Variants in LRRC71 observed in about 807,000 individuals in gnomAD.
LRRC71 encodes leucine-rich repeat-containing protein 71.
Under a neutral mutation model 66.6 loss-of-function variants are expected in LRRC71, and 54 were observed. The ratio of observed to expected loss-of-function variants is 0.81; its 90% confidence interval spans 0.65 to 1.02. The LOEUF (loss-of-function observed/expected upper bound fraction) is 1.02. Among genes scored for constraint, LRRC71 ranks in the 50% least tolerant of loss-of-function variants. The pLI is 0.00. For missense variants in LRRC71, 724 were observed against 718.0 expected, an observed-to-expected ratio of 1.01 and a Z score of -0.10; for synonymous variants, 323 against 303.9, an observed-to-expected ratio of 1.06 and a Z score of -0.65.
In LRRC71 at chr1:156,931,405, CCT is replaced by C. The variant is rs377560501; in HGVS notation, c.1330-508_1330-507del. On this transcript the variant is annotated intron_variant, in intron 12 of 14. Coordinates refer to ENST00000337428, the MANE Select transcript of LRRC71 (RefSeq NM_144702.3). ...TTTCAGTTTCCATTTTTCATCTCTG[CCT>C]CTGTCTTGATCAGGCTGCTGATTGT... Among the ~76,000 whole-genome samples the C allele has an allele frequency of 4.2e-4, 64 of 152,284 alleles. No individual in the cohort carries two copies. The South Asian group carries it at 0.013, about 30-fold the overall frequency.
At chr1:156,924,234 G>A in intron 2 of LRRC71, 136 bp downstream of exon 2, 2 of 1,216,662 alleles carry the variant, frequency 1.6e-6, no homozygotes, top group South Asian at 3.0e-5. Flanking sequence ...CGAGGCCGGT[G>A]GGGAGGTGGG....
chr1:156,924,831 G>T (rs1571035228), intron 4 of LRRC71, 107 bp from the exon 5 acceptor site: 1 of 1,502,580 alleles, frequency 6.7e-7, no homozygotes, highest in South Asian at 1.2e-5. Flanking sequence ...GGGGAGGTCG[G>T]GGGTGGGGGA....
intron 2 of LRRC71, 48 bp downstream of exon 2, chr1:156,924,146 A>G (rs1160766042): frequency 5.9e-6 from 9 of 1,535,924 alleles, no homozygotes; most frequent in Middle Eastern, 4.2e-4. Flanking sequence ...CGCCTAGTCC[A>G]TCCTCAGCCT....
the LRRC71 span, among the ~76,000 whole-genome samples, chr1:156,940,883 G>C: frequency 6.6e-6 from 1 of 152,180 alleles, no homozygotes; most frequent in African/African-American, 2.4e-5. Flanking sequence ...GGAAACCCGA[G>C]ATTTCTCCTG....
intron 13 of LRRC71, 60 bp from the exon 14 acceptor site, chr1:156,932,364 G>C (rs1026764427): frequency 9.6e-6 from 13 of 1,357,548 alleles, no homozygotes; most frequent in East Asian, 2.4e-5. Flanking sequence ...GATGTCTGGT[G>C]TGTCAGGTGC....
At chr1:156,930,434 G>T (rs1276276763) in intron 11 of LRRC71, 95 bp from the exon 12 acceptor site, 4 of 1,096,170 alleles carry the variant, frequency 3.6e-6, no homozygotes, top group East Asian at 5.3e-5. Context: ...AAAGTTGGGG[G>T]GTCTCTTTGC....
At chr1:156,926,246 G>GT (rs1190450663) in intron 5 of LRRC71, among the ~76,000 whole-genome samples, 1 of 152,216 alleles carries the variant, frequency 6.6e-6, no homozygotes, top group African/African-American at 2.4e-5. Context: ...CATAGCTGCT[G>GT]TGAGATGACC....
At chr1:156,935,854 TC>T, downstream of LRRC71, 7 of 886,830 alleles carry the variant, frequency 7.9e-6, no homozygotes, top group East Asian at 2.7e-5. Context: ...CATGCGGGTC[TC>T]CCCCCGGGCC....
chr1:156,939,402 C>T, the LRRC71 span: 6 of 1,083,912 alleles, frequency 5.5e-6, no homozygotes, highest in African/African-American at 1.6e-5. Flanking sequence ...CTGATATCGG[C>T]GTTGTCTCCT....
chr1:156,931,075 T>G (rs1654302674), intron 12 of LRRC71, among the ~76,000 whole-genome samples: 1 of 152,200 alleles, frequency 6.6e-6, no homozygotes, highest in Non-Finnish European at 1.5e-5. Flanking sequence ...ACCCTGTGCA[T>G]GGGTCCTTCT....
At chr1:156,925,973 T>G (rs1571040630) in intron 5 of LRRC71, among the ~76,000 whole-genome samples, 1 of 152,240 alleles carries the variant, frequency 6.6e-6, no homozygotes, top group East Asian at 1.9e-4. Context: ...ATAAACAAAT[T>G]TAAACTGAAT....
the LRRC71 span, chr1:156,940,223 G>T: frequency 6.3e-7 from 1 of 1,589,378 alleles, no homozygotes; most frequent in Non-Finnish European, 8.6e-7. Flanking sequence ...CCAGAGCGGA[G>T]TCAGCGAGCC....
the LRRC71 span, chr1:156,939,485 G>A: frequency 2.9e-5 from 47 of 1,597,742 alleles, no homozygotes; most frequent in South Asian, 3.5e-4. Context: ...GCAGCTGTTC[G>A]GAAGACTTAT....
chr1:156,931,845 G>A, intron 12 of LRRC71, 71 bp from the exon 13 acceptor site: 1 of 1,188,168 alleles, frequency 8.4e-7, no homozygotes, highest in Non-Finnish European at 1.2e-6. Flanking sequence ...TATGTTGAAT[G>A]AATGAATGAA....
chr1:156,938,541 G>C, the LRRC71 span: 1 of 1,605,868 alleles, frequency 6.2e-7, no homozygotes, highest in Non-Finnish European at 8.5e-7. Context: ...CCACCAGGAA[G>C]AGGAGAGACC....
Position 156,932,408 on chromosome 1 carries a change from C to G in LRRC71, c.1442-16C>G, listed in dbSNP as rs1654510998. On this transcript the variant is annotated splice_polypyrimidine_tract_variant and intron_variant, in intron 13 of 14. Coordinates refer to ENST00000337428, the MANE Select transcript of LRRC71 (RefSeq NM_144702.3). ...CCTGTGGTGCTAAGAGGCCACCTGT[C>G]TGTAACTTCCACCAGGGAACCGCAT... 6.2e-7 allele frequency: 1 copy of G among 1,608,628 alleles called. No individual in the cohort carries two copies. The highest frequency in any genetic ancestry group is 2.2e-5 in the East Asian group (1 of 44,814).
At chr1:156,938,318 G>C in the LRRC71 span, 1 of 1,087,420 alleles carries the variant, frequency 9.2e-7, no homozygotes, top group South Asian at 1.6e-5. Context: ...GAGGGAGCTT[G>C]TGGGTGTGTG....
the LRRC71 span, chr1:156,939,459 G>C: frequency 6.4e-7 from 1 of 1,567,066 alleles, no homozygotes; most frequent in Non-Finnish European, 8.7e-7. Context: ...TACCCAGGGG[G>C]AGTATAGGGA....
intron 1 of LRRC71, among the ~76,000 whole-genome samples, chr1:156,922,388 T>G (rs1230875942): frequency 3.3e-5 from 5 of 152,152 alleles, no homozygotes; most frequent in Admixed American, 6.5e-5. Context: ...GAGGTCATGG[T>G]GGCCTTAGCA....
Sources: allele counts gnomAD v4.1 joint callset (sites outside exome capture counted in the v4.1 genomes callset), GRCh38; gene constraint gnomAD v4.1.1; transcripts MANE v1.5; gene names NCBI Gene and HGNC (gene_info 2026-07-23, HGNC 2026-07-21).